PDE4D: variants seen among roughly 807,000 people sequenced by gnomAD.
PDE4D encodes the protein phosphodiesterase 4D.
Under a neutral mutation model 87.4 loss-of-function variants are expected in PDE4D, and 24 were observed. The ratio of observed to expected loss-of-function variants is 0.27; its 90% CI spans 0.20 to 0.39. The LOEUF (loss-of-function observed/expected upper bound fraction) is 0.39. PDE4D is among the 10% of genes least tolerant of loss of function. The pLI is 1.00. For synonymous variants in PDE4D, 384 were observed against 383.2 expected, an observed-to-expected ratio of 1.00 and a Z score of -0.02; for missense variants, 714 against 1,041.0, an observed-to-expected ratio of 0.69 and a Z score of 4.32.
chr5:59,236,264 G>A (rs1756403529), intron 1 of PDE4D, among the ~76,000 whole-genome samples: 1 of 152,154 alleles, frequency 6.6e-6, no homozygotes, highest in African/African-American at 2.4e-5. Flanking sequence ...TTGAGAATTG[G>A]GAGCCTTGAG....
chr5:60,072,768 T>C (rs752974764), intron 2 of PDE4D, among the ~76,000 whole-genome samples: 3 of 152,036 alleles, frequency 2.0e-5, no homozygotes, highest in Admixed American at 1.3e-4. Flanking sequence ...TAGGGAGTCC[T>C]TTCCCCTTTG....
intron 2 of PDE4D, among the ~76,000 whole-genome samples, chr5:60,184,701 G>A (rs867124392): frequency 6.6e-6 from 1 of 152,192 alleles, no homozygotes; most frequent in South Asian, 2.1e-4. Context: ...AAGAATGAAA[G>A]ATGGCCTTGG....
chr5:59,800,238 A>T (rs988252978), intron 1 of PDE4D, among the ~76,000 whole-genome samples: 1 of 152,146 alleles, frequency 6.6e-6, no homozygotes, highest in Non-Finnish European at 1.5e-5. Flanking sequence ...ACAATGGAAC[A>T]TGTGCGACAA....
chr5:59,528,888 G>T (rs1006459769), intron 1 of PDE4D: 2 of 316,628 alleles, frequency 6.3e-6, no homozygotes, highest in Middle Eastern at 7.7e-4. Context: ...TTACTCCATC[G>T]CACCTGGCCA....
At chr5:59,496,804 T>C (rs1807300208) in intron 1 of PDE4D, among the ~76,000 whole-genome samples, 1 of 151,960 alleles carries the variant, frequency 6.6e-6, no homozygotes, top group Non-Finnish European at 1.5e-5. Flanking sequence ...CGAAGGTGGC[T>C]CTCCCCAGCG....
intron 1 of PDE4D, among the ~76,000 whole-genome samples, chr5:60,402,537 C>A (rs1243265363): frequency 6.6e-6 from 1 of 152,202 alleles, no homozygotes; most frequent in Non-Finnish European, 1.5e-5. Context: ...TGGGCTAGGC[C>A]AGTTGCTCCA....
intron 1 of PDE4D, among the ~76,000 whole-genome samples, chr5:60,514,320 C>A (rs1035468256): frequency 6.6e-6 from 1 of 151,940 alleles, no homozygotes; most frequent in African/African-American, 2.4e-5. Context: ...AAGAGAAAAA[C>A]AGGAACCACT....
chr5:60,286,373 G>T (rs7718384), intron 1 of PDE4D, among the ~76,000 whole-genome samples: 24,343 of 152,046 alleles, frequency 0.16, 2,216 homozygotes, highest in South Asian at 0.29. Context: ...AACCAAGTCA[G>T]GGCCACTTTT....
chr5:59,214,918 T>C (rs898888682), intron 2 of PDE4D, among the ~76,000 whole-genome samples: 8 of 152,156 alleles, frequency 5.3e-5, no homozygotes, highest in Non-Finnish European at 8.8e-5. Context: ...TCTTATAAGA[T>C]AAATTGCAGC....
chr5:59,831,014 A>T (rs1205353760), intron 1 of PDE4D, among the ~76,000 whole-genome samples: 2 of 152,044 alleles, frequency 1.3e-5, no homozygotes, highest in East Asian at 3.9e-4. Context: ...TAATGGTTTG[A>T]CTACAAGCCT....
At chr5:60,012,272 T>C (rs1368374071) in intron 2 of PDE4D, among the ~76,000 whole-genome samples, 1 of 152,172 alleles carries the variant, frequency 6.6e-6, no homozygotes, top group Non-Finnish European at 1.5e-5. Context: ...CATGAGTGCA[T>C]GCTACTTTTT....
At chr5:60,156,127 C>T (rs1186677853) in intron 2 of PDE4D, among the ~76,000 whole-genome samples, 1 of 152,210 alleles carries the variant, frequency 6.6e-6, no homozygotes, top group Admixed American at 6.5e-5. Flanking sequence ...TGTCTGGAAC[C>T]TGGGCTAGCC....
chr5:59,203,718 T>G (rs1748087149), intron 2 of PDE4D, among the ~76,000 whole-genome samples: 1 of 152,190 alleles, frequency 6.6e-6, no homozygotes, highest in Admixed American at 6.6e-5. Context: ...GAATACATTA[T>G]GCTTAGTGAA....
At chr5:59,147,012 C>T (rs185228611) in intron 5 of PDE4D, among the ~76,000 whole-genome samples, 5 of 152,252 alleles carry the variant, frequency 3.3e-5, no homozygotes, top group South Asian at 4.1e-4. Flanking sequence ...ATCAGTGGGA[C>T]TGTGAATCCT....
At chr5:59,248,984 GA>G (rs1033087194) in intron 1 of PDE4D, among the ~76,000 whole-genome samples, 6 of 151,192 alleles carry the variant, frequency 4.0e-5, no homozygotes, top group East Asian at 3.9e-4. Flanking sequence ...AGTTACAAAA[GA>G]AAAAAAATCA....
At chr5:59,093,621 C>T (rs1769142072) in intron 5 of PDE4D, among the ~76,000 whole-genome samples, 1 of 151,766 alleles carries the variant, frequency 6.6e-6, no homozygotes, top group South Asian at 2.1e-4. Flanking sequence ...AACAGTGCAA[C>T]CCTACAGTTG....
chr5:59,306,631 A>G (rs1276904012), intron 1 of PDE4D, among the ~76,000 whole-genome samples: 1 of 152,084 alleles, frequency 6.6e-6, no homozygotes, highest in Non-Finnish European at 1.5e-5. Flanking sequence ...AGAATAAAAT[A>G]CCTATGAATC....
rs138150722 is a variant in PDE4D at position 60,415,964 on chromosome 5, T to C, written c.-90+71978A>G. On this transcript the variant is annotated intron_variant, in intron 1 of 16. Transcript: ENST00000502484. ...TCAGCACTCTGTATGTAGCTCAAGG[T>C]TTGTAAACACACCAATCAGCACCCT... Among the ~76,000 whole-genome samples, 398 of 152,232 alleles carry C rather than the reference T, an allele frequency of 2.6e-3. 1 individual carries two copies. Among genetic ancestry groups the C allele is most frequent in the Non-Finnish European group, 4.0e-3 (270 of 68,008 alleles).
intron 2 of PDE4D, among the ~76,000 whole-genome samples, chr5:60,019,564 C>T (rs987893830): frequency 2.6e-5 from 4 of 152,208 alleles, no homozygotes; most frequent in Non-Finnish European, 5.9e-5. Flanking sequence ...TTTGCTGCTT[C>T]ACCTTTTACT....
Sources: allele counts gnomAD v4.1 joint callset (sites outside exome capture counted in the v4.1 genomes callset), GRCh38; gene constraint gnomAD v4.1.1; transcripts MANE v1.5; gene names NCBI Gene and HGNC (gene_info 2026-07-23, HGNC 2026-07-21).